Variants in USP32 observed in about 807,000 individuals in gnomAD.
USP32 encodes ubiquitin carboxyl-terminal hydrolase 32.
A neutral mutation model predicts 204.8 loss-of-function variants in USP32; 59 were observed. The ratio of observed to expected loss-of-function variants is 0.29; its 90% CI spans 0.23 to 0.36. USP32 has a LOEUF of 0.36. Among genes scored for constraint, USP32 ranks in the 10% least tolerant of loss-of-function variants. The pLI, the probability that USP32 is intolerant of heterozygous loss-of-function variation, is 1.00. For synonymous variants in USP32, 517 were observed against 678.4 expected (o/e 0.76, Z 3.70); for missense variants, 1,160 against 1,946.4 (o/e 0.60, Z 7.60).
chr17:60,255,676 T>C (rs2086283783), intron 9 of USP32, among the ~76,000 whole-genome samples: 1 of 152,232 alleles, frequency 6.6e-6, no homozygotes, highest in Admixed American at 6.5e-5. Flanking sequence ...TAGTTCAAGT[T>C]CGTTCCTGTA....
At chr17:60,324,472 G>A (rs1251668406) in intron 2 of USP32, among the ~76,000 whole-genome samples, 5 of 151,868 alleles carry the variant, frequency 3.3e-5, no homozygotes, top group East Asian at 3.9e-4. Context: ...TGAGATCAAT[G>A]GGTTCCTATA....
At chr17:60,381,131 C>T (rs568641906) in intron 1 of USP32, among the ~76,000 whole-genome samples, 17 of 152,280 alleles carry the variant, frequency 1.1e-4, no homozygotes, top group African/African-American at 3.6e-4. Flanking sequence ...TAGGTAGTCC[C>T]ATTTATTACG....
rs1210000679 is a variant in USP32 at position 60,213,646 on chromosome 17, A to T, written c.2039T>A (p.Leu680Gln). ...TTCCAATTTATGATCCTCATCATCC[A>T]GAAGAGTAAGGTAGTTCTGTGTAAG... ...LYNSENYLTLLDDEDHKLEYL... is the reference protein window; with the variant it reads ...LYNSENYLTLQDDEDHKLEYL... Residue 680 changes from leucine (L) to glutamine (Q), a missense_variant, in exon 18 of 34, where the codon CTG becomes CAG. Leu to Gln is a moderately radical substitution (Grantham distance 113). Transcript: ENST00000300896. The T allele has an allele frequency of 1.5e-6, 2 of 1,309,652 alleles. No homozygotes were observed. Among genetic ancestry groups the T allele is most frequent in the Non-Finnish European group, 2.1e-6 (2 of 964,332 alleles). The allele number at this position is 1,309,652 out of a possible 1,614,324, so 81.1% of individuals were successfully genotyped here. A position where few individuals can be genotyped will look rare whatever the true frequency, so the allele number is the denominator to read the frequency against.
chr17:60,376,570 C>A (rs1284368408), intron 1 of USP32, among the ~76,000 whole-genome samples: 1 of 151,142 alleles, frequency 6.6e-6, no homozygotes, highest in Non-Finnish European at 1.5e-5. Context: ...GTCGCTCAGG[C>A]TAGAGTGCAG....
intron 1 of USP32, among the ~76,000 whole-genome samples, chr17:60,390,384 G>A (rs539470295): frequency 1.3e-5 from 2 of 152,274 alleles, no homozygotes; most frequent in South Asian, 4.1e-4. Context: ...GCCTAATTGA[G>A]GCCAGACCTG....
upstream of USP32, chr17:60,392,141 TC>T: frequency 1.8e-6 from 1 of 549,698 alleles, no homozygotes; most frequent in Non-Finnish European, 3.2e-6. Context: ...ACGTGACTCT[TC>T]CGCCCCGCCC....
At chr17:60,407,556 C>T (rs2089986050) in intron 1 of USP32, among the ~76,000 whole-genome samples, 2 of 152,010 alleles carry the variant, frequency 1.3e-5, no homozygotes, top group African/African-American at 4.8e-5. Flanking sequence ...AGTAAGTTAA[C>T]AATCTGGTAC....
At chr17:60,188,380 C>A (rs1018408975) in intron 29 of USP32, among the ~76,000 whole-genome samples, 2 of 152,128 alleles carry the variant, frequency 1.3e-5, no homozygotes, top group African/African-American at 4.8e-5. Context: ...AATACAAAGG[C>A]AACCACTGTC....
intron 2 of USP32, among the ~76,000 whole-genome samples, chr17:60,342,362 C>G (rs541548556): frequency 6.6e-6 from 1 of 152,326 alleles, no homozygotes; most frequent in African/African-American, 2.4e-5. Context: ...AAGTGTTTCC[C>G]AGTTAGGCTA....
At chr17:60,303,831 T>C (rs1342393122) in intron 2 of USP32, among the ~76,000 whole-genome samples, 3 of 152,016 alleles carry the variant, frequency 2.0e-5, no homozygotes, top group African/African-American at 7.2e-5. Flanking sequence ...TCAACAGAGT[T>C]GCATAAGAGA....
chr17:60,259,731 T>G (rs545694534), intron 9 of USP32, among the ~76,000 whole-genome samples: 1 of 152,340 alleles, frequency 6.6e-6, no homozygotes, highest in South Asian at 2.1e-4. Context: ...TTTTGCAAAT[T>G]TATCCCTTGA....
At chr17:60,407,344 G>C (rs1469323554) in intron 1 of USP32, among the ~76,000 whole-genome samples, 1 of 152,128 alleles carries the variant, frequency 6.6e-6, no homozygotes, top group African/African-American at 2.4e-5. Flanking sequence ...AGATGTAACT[G>C]AACAATTCCC....
chr17:60,399,287 G>C (rs993231219), intron 1 of USP32, among the ~76,000 whole-genome samples: 6 of 152,180 alleles, frequency 3.9e-5, no homozygotes, highest in African/African-American at 1.4e-4. Flanking sequence ...AAGTATAATA[G>C]TACATCAGTT....
intron 1 of USP32, among the ~76,000 whole-genome samples, chr17:60,406,332 C>A (rs2143045882): frequency 6.6e-6 from 1 of 152,086 alleles, no homozygotes; most frequent in East Asian, 1.9e-4. Flanking sequence ...GCCCATGCCA[C>A]CATGCCCAGC....
intron 2 of USP32, among the ~76,000 whole-genome samples, chr17:60,304,129 C>T (rs1358587315): frequency 2.0e-5 from 3 of 151,832 alleles, no homozygotes; most frequent in Non-Finnish European, 4.4e-5. Context: ...CACATTGAAA[C>T]TTCTCAAAAC....
intron 2 of USP32, among the ~76,000 whole-genome samples, chr17:60,320,587 G>A (rs146485471): frequency 2.0e-5 from 3 of 152,268 alleles, no homozygotes; most frequent in Admixed American, 6.5e-5. Flanking sequence ...ACAGACATGT[G>A]GGGGAGCATG....
intron 1 of USP32, among the ~76,000 whole-genome samples, chr17:60,353,736 G>A (rs536575702): frequency 1.3e-5 from 2 of 152,152 alleles, no homozygotes; most frequent in East Asian, 3.9e-4. Flanking sequence ...GTGAGACTCT[G>A]TCTAAAAACA....
At position 60,325,703 on chromosome 17, in the gene USP32, G is replaced by A. The variant is rs541148784; in HGVS notation, c.186+19778C>T. ...GCACTTTTGGAAGTTGAGGCTGGCA[G>A]ATCGCTTGAGCCCAGCAGTTCAACA... On this transcript the variant is annotated intron_variant, in intron 2 of 33. Transcript: ENST00000300896. Among the ~76,000 whole-genome samples, 4 of 152,214 alleles carry A rather than the reference G, an allele frequency of 2.6e-5. No homozygotes were observed. In the South Asian group the frequency reaches 8.3e-4, roughly 32 times the overall value.
At position 60,213,607 on chromosome 17, in the gene USP32, T is replaced by C. The variant is rs1221280268; in HGVS notation, c.2078A>G (p.Gln693Arg). ...EDHKLEYLKI[Q>R]DEQHLVIEVR... ...TTCAATTACCAGGTGTTGTTCATCC[T>C]GGATTTTCAAATATTCCAATTTATG... Residue 693 changes from glutamine (Q) to arginine (R), a missense_variant, in exon 18 of 34, where the codon CAG becomes CGG. Transcript: ENST00000300896. 1.4e-6 allele frequency: 2 copies of C among 1,392,568 alleles called. No individual in the cohort carries two copies. The highest frequency in any genetic ancestry group is 1.4e-5 in the South Asian group (1 of 71,316). The allele number at this position is 1,392,568 out of a possible 1,614,324, so 86.3% of individuals were successfully genotyped here.
Sources: gnomAD v4.1 joint callset for allele counts (sites outside exome capture counted in the v4.1 genomes callset) on GRCh38, gnomAD v4.1.1 for gene constraint, MANE v1.5 for transcripts, NCBI Gene and HGNC (gene_info 2026-07-23, HGNC 2026-07-21) for gene names.